Variants in DNTT observed in about 807,000 individuals in gnomAD.
DNTT encodes DNA nucleotidylexotransferase, also known as nucleosidetriphosphate:DNA deoxynucleotidylexotransferase.
A neutral mutation model predicts 60.9 loss-of-function variants in DNTT; 47 were observed. The observed-to-expected ratio is 0.77, with a 90% confidence interval of 0.61 to 0.98. The LOEUF (loss-of-function observed/expected upper bound fraction) is 0.98, where lower values mean the gene tolerates loss of function less well. DNTT is among the 50% of genes least tolerant of loss of function. The probability of loss-of-function intolerance (pLI) is 0.00; values close to 1 mark genes in which losing one functional copy is unlikely to be tolerated. For missense variants in DNTT, 665 were observed against 627.5 expected, an observed-to-expected ratio of 1.06 and a Z score of -0.64; for synonymous variants, 224 against 221.2, an observed-to-expected ratio of 1.01 and a Z score of -0.11.
chr10:96,325,526 C>A (rs994072213), intron 6 of DNTT, among the ~76,000 whole-genome samples: 3 of 152,178 alleles, frequency 2.0e-5, no homozygotes, highest in African/African-American at 7.2e-5. Flanking sequence ...TATCAAATGA[C>A]GTCCAGTGCT....
In DNTT at chr10:96,319,489, A is replaced by T. The variant is rs1052181078; in HGVS notation, c.507+99A>T. 14 of 1,549,152 alleles carry T rather than the reference A, an allele frequency of 9.0e-6. No homozygotes were observed. The African/African-American group carries it at 1.5e-4, about 17-fold the overall frequency. On this transcript the variant is annotated intron_variant, in intron 3 of 10. Transcript: ENST00000371174. ...TTATAAATTTTTCTGAAAACCTGGG[A>T]AAGTTTTCCTCCCACCTACCTGCAG...
chr10:96,324,667 C>T (rs944486962), intron 6 of DNTT, among the ~76,000 whole-genome samples: 1 of 152,212 alleles, frequency 6.6e-6, no homozygotes, highest in African/African-American at 2.4e-5. Flanking sequence ...AATGCCTCAG[C>T]ACTGTGTCTG....
intron 1 of DNTT, among the ~76,000 whole-genome samples, chr10:96,306,108 T>TTTA (rs754883940): frequency 1.3e-5 from 2 of 150,452 alleles, no homozygotes; most frequent in Non-Finnish European, 3.0e-5. Flanking sequence ...TTTTTTTTTT[T>TTTA]TTTGAGACAG....
chr10:96,313,975 C>T (rs1176757424), intron 1 of DNTT, among the ~76,000 whole-genome samples: 1 of 152,208 alleles, frequency 6.6e-6, no homozygotes, highest in Non-Finnish European at 1.5e-5. Flanking sequence ...AGCCTGACAG[C>T]CTCCCTGTGG....
At chr10:96,324,828 A>C (rs1844921711) in intron 6 of DNTT, among the ~76,000 whole-genome samples, 1 of 152,204 alleles carries the variant, frequency 6.6e-6, no homozygotes. Context: ...TGAAGAGTCA[A>C]AGACAGAAGG....
chr10:96,316,931 A>C (rs898116233), intron 1 of DNTT, among the ~76,000 whole-genome samples: 1 of 152,232 alleles, frequency 6.6e-6, no homozygotes. Context: ...AGGGTTGTGC[A>C]TATAATAGCA....
At chr10:96,322,575 C>T in intron 4 of DNTT, 82 bp from the exon 5 acceptor site, 1 of 1,157,228 alleles carries the variant, frequency 8.6e-7, no homozygotes, top group Non-Finnish European at 1.2e-6. Flanking sequence ...AGAAACCAAA[C>T]TACTAGGTCC....
chr10:96,335,948 A>C lies in DNTT; in HGVS notation c.1417A>C (p.Asn473His), dbSNP rs2133997146. ...ACATGAGCGGAAGATGATTCTGGAT[A>C]ACCATGCTTTATATGACAAGACCAA... The part of the protein sequence containing the change: ...ATHERKMILD[N>H]HALYDKTKRI... The change falls in exon 10 of 11, where the codon AAC becomes CAC. Residue 473 changes from asparagine (N) to histidine (H), a missense_variant. Coordinates refer to ENST00000371174, the MANE Select transcript of DNTT (RefSeq NM_004088.4). 6.2e-7 allele frequency: 1 copy of C among 1,614,212 alleles called. No homozygotes were observed. Among genetic ancestry groups the C allele is most frequent in the African/African-American group, 1.3e-5 (1 of 75,056 alleles).
chr10:96,321,309 G>A (rs769089716), intron 4 of DNTT, among the ~76,000 whole-genome samples: 2 of 152,048 alleles, frequency 1.3e-5, no homozygotes, highest in African/African-American at 4.8e-5. Context: ...TTGACTTGGG[G>A]TATATGTTGG....
At chr10:96,324,223 G>T in intron 5 of DNTT, 43 bp from the exon 6 acceptor site, 1 of 1,586,350 alleles carries the variant, frequency 6.3e-7, no homozygotes, top group South Asian at 1.1e-5. Context: ...ATGTTATAAT[G>T]ATTATCTTAG....
chr10:96,336,162 G>A (rs916394081), intron 10 of DNTT, among the ~76,000 whole-genome samples, 188 bp downstream of exon 10: 1 of 152,200 alleles, frequency 6.6e-6, no homozygotes, highest in African/African-American at 2.4e-5. Context: ...ACCCGGCCCA[G>A]AATGCAATTC....
chr10:96,335,825 G>A, intron 9 of DNTT, 66 bp from the exon 10 acceptor site: 7 of 1,545,898 alleles, frequency 4.5e-6, no homozygotes, highest in Non-Finnish European at 6.3e-6. Flanking sequence ...CTAGAGGGAT[G>A]TAGCCACCTA....
At chr10:96,307,589 C>T (rs1320284238) in intron 1 of DNTT, among the ~76,000 whole-genome samples, 9 of 149,094 alleles carry the variant, frequency 6.0e-5, no homozygotes, top group African/African-American at 9.8e-5. Context: ...CTCTTGACCT[C>T]GTGATCCGCC....
rs765779837 is a variant in DNTT at position 96,320,679 on chromosome 10, C to T, written c.569C>T (p.Thr190Ile). ...AGAGAAAATGAAGACTCCTGTGTGACATTTATGAGAGCAGCTTCTGTATTG... is the reference window on the plus strand; with the variant it reads ...AGAGAAAATGAAGACTCCTGTGTGATATTTATGAGAGCAGCTTCTGTATTG... Reference protein sequence around the residue: ...EFRENEDSCVTFMRAASVLKS... With the variant: ...EFRENEDSCVIFMRAASVLKS... Residue 190 changes from threonine (T) to isoleucine (I), a missense_variant, in exon 4 of 11, where the codon ACA becomes ATA. Coordinates refer to ENST00000371174, the MANE Select transcript of DNTT (RefSeq NM_004088.4). 3 of 1,613,880 alleles carry T rather than the reference C, an allele frequency of 1.9e-6. No homozygotes were observed. The highest frequency in any genetic ancestry group is 2.5e-6 in the Non-Finnish European group (3 of 1,179,834).
intron 1 of DNTT, among the ~76,000 whole-genome samples, chr10:96,316,350 T>C (rs1216738337): frequency 6.6e-6 from 1 of 152,202 alleles, no homozygotes; most frequent in Non-Finnish European, 1.5e-5. Flanking sequence ...TCATTTCATC[T>C]TCCTAAGTAG....
At chr10:96,323,645 C>T (rs971950313) in intron 5 of DNTT, among the ~76,000 whole-genome samples, 1 of 152,120 alleles carries the variant, frequency 6.6e-6, no homozygotes, top group African/African-American at 2.4e-5. Flanking sequence ...CTCCTTACTG[C>T]ATCTTCATTT....
In DNTT at chr10:96,320,082, C is replaced by A. The variant is rs754151732; in HGVS notation, c.508-536C>A. On this transcript the variant is annotated intron_variant, in intron 3 of 10. Coordinates refer to ENST00000371174, the MANE Select transcript of DNTT (RefSeq NM_004088.4). ...TGTTGGAAAGACTAGGAAATTGTAG[C>A]TACTGGATATGCTGAGCATGAGATC... Among the ~76,000 whole-genome samples, 64 of 152,200 alleles carry A rather than the reference C, an allele frequency of 4.2e-4. 1 individual carries two copies. The highest frequency in any genetic ancestry group is 6.5e-4 in the Non-Finnish European group (44 of 68,040).
At position 96,319,425 on chromosome 10, in the gene DNTT, G is replaced by A. The variant is rs565368944; in HGVS notation, c.507+35G>A. On this transcript the variant is annotated intron_variant, in intron 3 of 10. Transcript: ENST00000371174. The stretch of plus-strand genomic sequence containing the variant: ...CTTTACATCAACACCCAGGGCAAAC[G>A]AAGGGCTTGCAGCTTCTTTCTGTGG... 98 of 1,609,216 alleles carry A rather than the reference G, an allele frequency of 6.1e-5. 1 individual carries two copies. The South Asian group carries it at 9.7e-4, about 16-fold the overall frequency.
At chr10:96,307,761 A>G (rs1486951366) in intron 1 of DNTT, among the ~76,000 whole-genome samples, 4 of 90,746 alleles carry the variant, frequency 4.4e-5, no homozygotes, top group African/African-American at 1.8e-4. Flanking sequence ...GTGTGTGCAT[A>G]TATATATATA....
Sources: gnomAD v4.1 joint callset for allele counts (sites outside exome capture counted in the v4.1 genomes callset) on GRCh38, gnomAD v4.1.1 for gene constraint, MANE v1.5 for transcripts, NCBI Gene and HGNC (gene_info 2026-07-23, HGNC 2026-07-21) for gene names.